Variants in CNTNAP2 observed in about 807,000 individuals in gnomAD.
CNTNAP2 encodes contactin associated protein 2.
A neutral mutation model predicts 155.2 loss-of-function variants in CNTNAP2; 98 were observed. That is an observed-to-expected ratio of 0.63 (90% CI 0.54 to 0.75). CNTNAP2 has a LOEUF of 0.75. Ranked by LOEUF, CNTNAP2 falls within the 30% of genes least tolerant of loss-of-function variation. The pLI is 0.00. For synonymous variants in CNTNAP2, 651 were observed against 631.2 expected (o/e 1.03, Z -0.47); for missense variants, 1,727 against 1,688.1 (o/e 1.02, Z -0.40).
At chr7:148,292,951 C>G (rs4726943) in intron 21 of CNTNAP2, among the ~76,000 whole-genome samples, 1 of 151,952 alleles carries the variant, frequency 6.6e-6, no homozygotes, top group Non-Finnish European at 1.5e-5. Flanking sequence ...CCATCTACAC[C>G]GGCAAATTTT....
chr7:148,304,697 G>C lies in CNTNAP2; in HGVS notation c.3475+37571G>C, dbSNP rs574710081. 2.0e-5 allele frequency among the ~76,000 whole-genome samples: 3 copies of C among 152,248 alleles called. No homozygotes were observed. The South Asian group carries it at 6.2e-4, about 32-fold the overall frequency. ...TGGGCTGTCCTTTACCGTCTCCTAGGCTACTCCTTGAGTTTCTGTTTTTAG... is the reference window on the plus strand; with the variant it reads ...TGGGCTGTCCTTTACCGTCTCCTAGCCTACTCCTTGAGTTTCTGTTTTTAG... On this transcript the variant is annotated intron_variant, in intron 21 of 23. Transcript: ENST00000361727.
chr7:146,262,376 A>T lies in CNTNAP2; in HGVS notation c.97+145403A>T, dbSNP rs10246162. ...GTCTTTACTTATCTGACATTTTTTC[A>T]AAATGGCCTATAGTATCAGTGCTCT... On this transcript the variant is annotated intron_variant, in intron 1 of 23. Coordinates refer to ENST00000361727, the MANE Select transcript of CNTNAP2 (RefSeq NM_014141.6). Among the ~76,000 whole-genome samples, 20 of 152,220 alleles carry T rather than the reference A, an allele frequency of 1.3e-4. No homozygotes were observed. The South Asian group carries it at 2.9e-3, about 22-fold the overall frequency.
intron 3 of CNTNAP2, among the ~76,000 whole-genome samples, chr7:146,844,569 A>AT (rs1271066411): frequency 1.3e-5 from 2 of 152,156 alleles, no homozygotes; most frequent in African/African-American, 4.8e-5. Flanking sequence ...ATTAAACATT[A>AT]TATTAAATAA....
At chr7:146,450,740 A>T (rs1273087632) in intron 1 of CNTNAP2, among the ~76,000 whole-genome samples, 3 of 152,154 alleles carry the variant, frequency 2.0e-5, no homozygotes, top group Non-Finnish European at 2.9e-5. Flanking sequence ...GGAATAAAAG[A>T]TATTGTTTTA....
At chr7:146,282,327 T>C (rs1045182893) in intron 1 of CNTNAP2, among the ~76,000 whole-genome samples, 1 of 152,248 alleles carries the variant, frequency 6.6e-6, no homozygotes, top group African/African-American at 2.4e-5. Context: ...GGTTCTCTGA[T>C]GCTTGCAGAC....
intron 10 of CNTNAP2, among the ~76,000 whole-genome samples, chr7:147,471,033 A>G (rs187190723): frequency 1.3e-5 from 2 of 152,286 alleles, no homozygotes; most frequent in Admixed American, 1.3e-4. Flanking sequence ...AGCCAACTGA[A>G]GAGTGCTTCA....
intron 21 of CNTNAP2, among the ~76,000 whole-genome samples, chr7:148,346,040 A>G (rs1798321029): frequency 6.6e-6 from 1 of 152,038 alleles, no homozygotes; most frequent in East Asian, 1.9e-4. Flanking sequence ...GGAGTTTGAT[A>G]GACTTGGCAC....
At chr7:146,821,733 A>G (rs2129196315) in intron 2 of CNTNAP2, among the ~76,000 whole-genome samples, 1 of 152,212 alleles carries the variant, frequency 6.6e-6, no homozygotes, top group Admixed American at 6.5e-5. Flanking sequence ...GCTCATCATC[A>G]CTGGCCATCA....
At chr7:146,718,367 T>C (rs1243417096) in intron 1 of CNTNAP2, among the ~76,000 whole-genome samples, 3 of 152,158 alleles carry the variant, frequency 2.0e-5, no homozygotes, top group Non-Finnish European at 4.4e-5. Flanking sequence ...GAATAAAAGC[T>C]TCTGTGGCTT....
chr7:147,605,126 C>T lies in CNTNAP2; in HGVS notation c.1898-33980C>T, dbSNP rs144850731. 3.4e-3 allele frequency among the ~76,000 whole-genome samples: 513 copies of T among 152,214 alleles called. 1 individual carries two copies. The highest frequency in any genetic ancestry group is 0.01 in the Middle Eastern group (3 of 294). ...CCAAATCATCTGACCTCAAGTGCAT[C>T]GTTTCCTACTATACCTACTGCCTCT... On this transcript the variant is annotated intron_variant, in intron 12 of 23. Transcript: ENST00000361727.
chr7:146,921,661 A>G (rs975595643), intron 3 of CNTNAP2, among the ~76,000 whole-genome samples: 6 of 152,060 alleles, frequency 3.9e-5, no homozygotes, highest in African/African-American at 1.4e-4. Flanking sequence ...TGGGGAAATC[A>G]CCTCACGATT....
At chr7:147,853,162 C>G (rs1325454532) in intron 13 of CNTNAP2, among the ~76,000 whole-genome samples, 3 of 152,212 alleles carry the variant, frequency 2.0e-5, no homozygotes, top group Non-Finnish European at 4.4e-5. Flanking sequence ...AGCACCACCA[C>G]TATCCAAGAC....
chr7:147,446,026 C>T (rs994994963), intron 10 of CNTNAP2, among the ~76,000 whole-genome samples: 2 of 151,968 alleles, frequency 1.3e-5, no homozygotes, highest in Admixed American at 6.6e-5. Context: ...TCTGATAAAT[C>T]GCCTACCACC....
intron 8 of CNTNAP2, among the ~76,000 whole-genome samples, chr7:147,225,823 GA>G: frequency 7.8e-6 from 1 of 127,606 alleles, no homozygotes; most frequent in African/African-American, 2.8e-5. Flanking sequence ...AGGAAAGAAG[GA>G]AAGAAGGAAG....
chr7:148,350,984 C>T (rs1249733030), intron 21 of CNTNAP2, among the ~76,000 whole-genome samples: 2 of 152,236 alleles, frequency 1.3e-5, no homozygotes, highest in African/African-American at 2.4e-5. Flanking sequence ...CTCCAGTGCA[C>T]ACCAGGCACT....
At chr7:147,582,146 G>A (rs563935810) in intron 12 of CNTNAP2, among the ~76,000 whole-genome samples, 8 of 152,292 alleles carry the variant, frequency 5.3e-5, no homozygotes, top group African/African-American at 1.9e-4. Context: ...AATGAGAGTT[G>A]TGGTGTTGGA....
In CNTNAP2 at chr7:146,378,788, T is replaced by G. The variant is rs140019871; in HGVS notation, c.97+261815T>G. 3.1e-3 allele frequency among the ~76,000 whole-genome samples: 468 copies of G among 152,248 alleles called. 3 individuals are homozygous for G. Among genetic ancestry groups the G allele is most frequent in the African/African-American group, 0.011 (451 of 41,540 alleles). On this transcript the variant is annotated intron_variant, in intron 1 of 23. Transcript: ENST00000361727. Reference sequence around the variant, plus strand: ...AAACACAATACTCAAATATGGCAAATGAAGGAGTAAACTTTCTTGTTTTCC... The same window carrying G: ...AAACACAATACTCAAATATGGCAAAGGAAGGAGTAAACTTTCTTGTTTTCC...
At chr7:146,662,927 A>G (rs1378108127) in intron 1 of CNTNAP2, among the ~76,000 whole-genome samples, 2 of 152,080 alleles carry the variant, frequency 1.3e-5, no homozygotes, top group Non-Finnish European at 2.9e-5. Flanking sequence ...TCCTTTGTCT[A>G]TATTTATGTC....
chr7:146,936,770 G>T (rs752515228), intron 3 of CNTNAP2, among the ~76,000 whole-genome samples: 1 of 152,134 alleles, frequency 6.6e-6, no homozygotes, highest in Non-Finnish European at 1.5e-5. Flanking sequence ...GGCAAACACT[G>T]AACTGTAACC....
Sources: gnomAD v4.1 joint callset for allele counts (sites outside exome capture counted in the v4.1 genomes callset) on GRCh38, gnomAD v4.1.1 for gene constraint, MANE v1.5 for transcripts, NCBI Gene and HGNC (gene_info 2026-07-23, HGNC 2026-07-21) for gene names.